The following VPS53 variants were observed in gnomAD, a reference collection of about 807,000 sequenced individuals.
VPS53 encodes the protein VPS53 subunit of GARP complex.
A neutral mutation model predicts 107.0 loss-of-function variants in VPS53; 70 were observed. The ratio of observed to expected loss-of-function variants is 0.65; its 90% confidence interval spans 0.54 to 0.80. The LOEUF (loss-of-function observed/expected upper bound fraction) is 0.80. Ranked by LOEUF, VPS53 falls within the 30% of genes least tolerant of loss-of-function variation. VPS53 has a pLI of 0.00. For synonymous variants in VPS53, 409 were observed against 393.3 expected, an observed-to-expected ratio of 1.04 and a Z score of -0.47; for missense variants, 917 against 1,049.4, an observed-to-expected ratio of 0.87 and a Z score of 1.74.
rs145158596 is a variant in VPS53 at position 510,652 on chromosome 17, G to C, written c.*8476C>G. ...TTCATCCGATGAGATAATGTATCCA[G>C]GACACAGTAAATACACAGTTACCTT... On this transcript the variant is annotated 3_prime_UTR_variant, in exon 22 of 22. Transcript: ENST00000437048. 1.3e-5 allele frequency: 2 copies of C among 153,368 alleles called. No individual in the cohort carries two copies. Among genetic ancestry groups the C allele is most frequent in the African/African-American group, 4.8e-5 (2 of 41,458 alleles). 9.5% of individuals were successfully genotyped at this position (153,368 alleles called of 1,614,324 possible).
At chr17:646,012 C>G (rs1266505226) in intron 7 of VPS53, among the ~76,000 whole-genome samples, 1 of 133,370 alleles carries the variant, frequency 7.5e-6, no homozygotes, top group Non-Finnish European at 1.6e-5. Flanking sequence ...ATATCACGGA[C>G]TGGAGACTGG....
chr17:551,974 G>A (rs1911860338), intron 16 of VPS53, 24 bp from the exon 17 acceptor site: 2 of 1,563,050 alleles, frequency 1.3e-6, no homozygotes, highest in Non-Finnish European at 8.7e-7. Context: ...AAATCACTGT[G>A]GTCACCCTTT....
intron 5 of VPS53, among the ~76,000 whole-genome samples, chr17:659,529 C>A (rs1440400862): frequency 6.6e-6 from 1 of 152,174 alleles, no homozygotes; most frequent in Admixed American, 6.5e-5. Flanking sequence ...GATCCCCCCT[C>A]CTTGGCCTCC....
chr17:657,546 A>G, intron 5 of VPS53: 1 of 1,169,310 alleles, frequency 8.6e-7, no homozygotes, highest in Non-Finnish European at 1.3e-6. Context: ...ACCACGAGCC[A>G]TGGCTGCATT....
rs79177788 is a variant in VPS53, at chr17:697,442, C to A, written c.261G>T (p.Thr87=). The change falls in exon 4 of 22, where the codon ACG becomes ACT. Residue 87 remains threonine (T), a synonymous_variant. Transcript: ENST00000437048. ...CTTGCCGTCCATCCTGCCCCACGTT[C>A]GTCTGACCTCTTACAACAGTTCGAA... ...DNIRTVVRGQ[T]NVGQDGRQAL... 1 of 1,614,054 alleles carries A rather than the reference C, an allele frequency of 6.2e-7. No individual in the cohort carries two copies. Among genetic ancestry groups the A allele is most frequent in the Admixed American group, 1.7e-5 (1 of 60,012 alleles).
At position 623,237 on chromosome 17, in the gene VPS53, G is replaced by T. The variant is rs62056505; in HGVS notation, c.1116+296C>A. Among the ~76,000 whole-genome samples the T allele has an allele frequency of 0.057, 8,693 of 152,170 alleles. 318 individuals carry two copies. Among genetic ancestry groups the T allele is most frequent in the Non-Finnish European group, 0.083 (5,651 of 68,000 alleles). ...ATCTGATAACTGATAAAGAAATAAG[G>T]TATTTGTGACTGAGTAAGGCCTCTG... On this transcript the variant is annotated intron_variant, in intron 11 of 21. Transcript: ENST00000437048.
At chr17:703,694 T>G (rs910729515) in intron 2 of VPS53, among the ~76,000 whole-genome samples, 1 of 152,236 alleles carries the variant, frequency 6.6e-6, no homozygotes, top group African/African-American at 2.4e-5. Flanking sequence ...GGTAGTCATC[T>G]GCACACCCAG....
chr17:708,747 G>A (rs1973513661), intron 2 of VPS53, among the ~76,000 whole-genome samples: 1 of 152,174 alleles, frequency 6.6e-6, no homozygotes, highest in South Asian at 2.1e-4. Context: ...GGTTCTCACT[G>A]TTGTCTTCTG....
chr17:676,788 G>A (rs1972178938), intron 4 of VPS53, among the ~76,000 whole-genome samples: 1 of 151,706 alleles, frequency 6.6e-6, no homozygotes, highest in Non-Finnish European at 1.5e-5. Flanking sequence ...CTAAGGTCAG[G>A]AAGGAAACAG....
At chr17:682,141 A>G (rs1972416584) in intron 4 of VPS53, among the ~76,000 whole-genome samples, 1 of 152,232 alleles carries the variant, frequency 6.6e-6, no homozygotes, top group African/African-American at 2.4e-5. Context: ...TAAACACAGC[A>G]GCCCTTTTCA....
intron 6 of VPS53, 89 bp from the exon 7 acceptor site, chr17:653,499 GAT>G (rs1971045867): frequency 6.3e-7 from 1 of 1,578,882 alleles, no homozygotes; most frequent in South Asian, 1.1e-5. Flanking sequence ...CTCTCAAACA[GAT>G]ATCAACTCAG....
At position 592,656 on chromosome 17, in the gene VPS53, G is replaced by C. The variant is rs534928716; in HGVS notation, c.1219-6292C>G. 3.3e-5 allele frequency among the ~76,000 whole-genome samples: 5 copies of C among 152,284 alleles called. No individual in the cohort carries two copies. The East Asian group carries it at 9.6e-4, about 29-fold the overall frequency. ...ATTTCTCCTTCACTTATGAAGCTTA[G>C]TTTGGCTGGATATCAAATTCTGGGT... On this transcript the variant is annotated intron_variant, in intron 12 of 21. Transcript: ENST00000437048.
rs572749714 is a variant in VPS53, at chr17:663,189, G to A, written c.286-1294C>T. The stretch of plus-strand genomic sequence containing the variant: ...CTGCACTCCAGCCTGGTGACTGAGC[G>A]AGATCTTGTCTCAAAAAAACAAGCA... On this transcript the variant is annotated intron_variant, in intron 4 of 21. Coordinates refer to ENST00000437048, the MANE Select transcript of VPS53 (RefSeq NM_001128159.3). Among the ~76,000 whole-genome samples, 17 of 152,268 alleles carry A rather than the reference G, an allele frequency of 1.1e-4. 1 individual carries two copies. Among genetic ancestry groups the A allele is most frequent in the African/African-American group, 3.6e-4 (15 of 41,556 alleles).
At chr17:578,849 C>A (rs535451182) in intron 13 of VPS53, among the ~76,000 whole-genome samples, 1 of 151,008 alleles carries the variant, frequency 6.6e-6, no homozygotes, top group Non-Finnish European at 1.5e-5. Flanking sequence ...GGACCTAATG[C>A]GGTCCCAGAG....
At chr17:614,198 G>A (rs1405639111) in intron 11 of VPS53, among the ~76,000 whole-genome samples, 1 of 152,054 alleles carries the variant, frequency 6.6e-6, no homozygotes, top group African/African-American at 2.4e-5. Context: ...CTGGGATCGT[G>A]GCATCATCTT....
At chr17:656,833 C>A in intron 5 of VPS53, 4 of 1,587,644 alleles carry the variant, frequency 2.5e-6, no homozygotes, top group Non-Finnish European at 2.6e-6. Context: ...TCTTGTCTCT[C>A]TCTTCAGCAA....
At chr17:645,641 T>C (rs1187464275) in intron 7 of VPS53, among the ~76,000 whole-genome samples, 1 of 152,244 alleles carries the variant, frequency 6.6e-6, no homozygotes, top group East Asian at 1.9e-4. Context: ...AATTAGGTTT[T>C]ACATCTAGGT....
chr17:607,947 T>C (rs1968661573), intron 11 of VPS53, among the ~76,000 whole-genome samples: 2 of 152,164 alleles, frequency 1.3e-5, no homozygotes, highest in Admixed American at 1.3e-4. Context: ...TGTGAGGCCC[T>C]AGCTGGACAC....
chr17:701,116 GA>G (rs1179535008), intron 2 of VPS53, among the ~76,000 whole-genome samples: 1 of 151,984 alleles, frequency 6.6e-6, no homozygotes, highest in Non-Finnish European at 1.5e-5. Flanking sequence ...TTAAATCCAG[GA>G]ATTCAAGACC....
Sources: allele counts gnomAD v4.1 joint callset (sites outside exome capture counted in the v4.1 genomes callset), GRCh38; gene constraint gnomAD v4.1.1; transcripts MANE v1.5; gene names NCBI Gene and HGNC (gene_info 2026-07-23, HGNC 2026-07-21).